The following POLR2F variants were observed in gnomAD, a reference collection of about 807,000 sequenced individuals.
POLR2F encodes DNA-directed RNA polymerases I, II, and III subunit RPABC2.
Under a neutral mutation model 22.7 loss-of-function variants are expected in POLR2F, and 12 were observed. The observed-to-expected ratio is 0.53, with a 90% CI of 0.34 to 0.86. POLR2F has a LOEUF of 0.86. POLR2F is among the 40% of genes least tolerant of loss of function. POLR2F has a pLI of 0.02. For missense variants in POLR2F, 126 were observed against 171.5 expected (o/e 0.73, Z 1.48); for synonymous variants, 57 against 66.0 (o/e 0.86, Z 0.66).
downstream of POLR2F, among the ~76,000 whole-genome samples, chr22:38,029,714 G>A (rs2085047591): frequency 6.6e-6 from 1 of 152,176 alleles, no homozygotes; most frequent in African/African-American, 2.4e-5. Flanking sequence ...CCCATCATCT[G>A]GGAGACTGCA....
At chr22:38,023,967 G>T (rs1431547015) in intron 1 of POLR2F, among the ~76,000 whole-genome samples, 2 of 150,558 alleles carry the variant, frequency 1.3e-5, no homozygotes, top group Non-Finnish European at 2.9e-5. Flanking sequence ...TCAGCCTCCC[G>T]AGTAGCTGGA....
At chr22:37,976,399 T>C (rs1490815042) in intron 4 of POLR2F, among the ~76,000 whole-genome samples, 1 of 152,234 alleles carries the variant, frequency 6.6e-6, no homozygotes, top group South Asian at 2.1e-4. Context: ...TTTTCATCCC[T>C]GCTCCTCTCT....
At chr22:37,979,551 G>A (rs1197765053) in intron 4 of POLR2F, among the ~76,000 whole-genome samples, 2 of 151,976 alleles carry the variant, frequency 1.3e-5, no homozygotes, top group East Asian at 3.9e-4. Context: ...CTGGGTGGGG[G>A]GTACTGCCTC....
At chr22:37,984,471 C>G (rs1360852813), upstream of POLR2F, 3 of 153,022 alleles carry the variant, frequency 2.0e-5, no homozygotes, top group African/African-American at 7.2e-5. The surrounding 1 kb of genome is among the most constrained non-coding windows in gnomAD (Gnocchi z 4.4). Flanking sequence ...GGCCCTGAGC[C>G]TCAGGCCACG....
chr22:38,004,574 G>A (rs1443616834), intron 1 of POLR2F, among the ~76,000 whole-genome samples: 1 of 152,152 alleles, frequency 6.6e-6, no homozygotes, highest in East Asian at 1.9e-4. Flanking sequence ...ATCCATACAT[G>A]CCCTGAAGTT....
intron 1 of POLR2F, among the ~76,000 whole-genome samples, chr22:37,954,538 T>C (rs1235934426): frequency 6.6e-6 from 1 of 152,120 alleles, no homozygotes; most frequent in Non-Finnish European, 1.5e-5. Context: ...CCTGAGCTTG[T>C]GATCCACCCG....
rs1424786274 is a variant in POLR2F at position 37,967,080 on chromosome 22, C to T, written c.222-19C>T. ...CCCTGGGTTTGTAGTCTCCCTAACA[C>T]CTGTCCCTATCCCTACAGGATGTGT... On this transcript the variant is annotated intron_variant, in intron 3 of 4. Transcript: ENST00000442738. 5.6e-6 allele frequency: 9 copies of T among 1,599,302 alleles called. No homozygotes were observed. In the South Asian group the frequency reaches 1.0e-4, roughly 18 times the overall value.
rs1159353447 is a variant in POLR2F at position 38,010,602 on chromosome 22, G to GTTT, written c.121-15242_121-15240dup. On this transcript the variant is annotated intron_variant, in intron 1 of 2. Transcript: ENST00000333418. Reference sequence around the variant, plus strand: ...TAAATATGTAGTAATAATTCCTTGTGTTTTTTTTTTTTTTTTTTTTTTTTT... The same window carrying GTTT: ...TAAATATGTAGTAATAATTCCTTGTGTTTTTTTTTTTTTTTTTTTTTTTTTTTT... Among the ~76,000 whole-genome samples, 41 of 60,888 alleles carry GTTT rather than the reference G, an allele frequency of 6.7e-4. 4 individuals carry two copies. Among genetic ancestry groups the GTTT allele is most frequent in the African/African-American group, 2.7e-3 (38 of 13,876 alleles). The allele number at this position is 60,888 out of a possible 152,430, so 39.9% of individuals were successfully genotyped here. A position where few individuals can be genotyped will look rare whatever the true frequency, so the allele number is the denominator to read the frequency against.
upstream of POLR2F, among the ~76,000 whole-genome samples, chr22:37,984,867 T>TGGCAGGATGGGCCTAACCTC (rs1452849581): frequency 1.3e-5 from 2 of 152,212 alleles, no homozygotes; most frequent in East Asian, 3.9e-4. This position sits in a 1 kb window ranked among gnomAD's most constrained non-coding sequence, Gnocchi z 4.4. Flanking sequence ...ACTCCTAACG[T>TGGCAGGATGGGCCTAACCTC]CTGCCTCAGG....
chr22:38,019,472 C>T (rs2084942088), intron 1 of POLR2F, among the ~76,000 whole-genome samples: 1 of 152,198 alleles, frequency 6.6e-6, no homozygotes, highest in South Asian at 2.1e-4. Context: ...GAGTGAACCC[C>T]TCAGGTGACA....
upstream of POLR2F, chr22:37,983,788 GC>G: frequency 1.7e-5 from 25 of 1,432,730 alleles, no homozygotes; most frequent in Admixed American, 5.0e-5. This position sits in a 1 kb window ranked among gnomAD's most constrained non-coding sequence, Gnocchi z 9.5. Context: ...CCGCCATGTC[GC>G]CCCCGGCCGC....
intron 1 of POLR2F, among the ~76,000 whole-genome samples, chr22:38,000,116 C>T (rs990805115): frequency 4.6e-5 from 7 of 152,306 alleles, no homozygotes; most frequent in African/African-American, 1.2e-4. Flanking sequence ...CTGGTCCTGC[C>T]GGAACATGAT....
chr22:38,040,893 G>A (rs2085165671), intron 5 of POLR2F: 1 of 941,792 alleles, frequency 1.1e-6, no homozygotes, highest in Non-Finnish European at 1.6e-6. Flanking sequence ...TGTGCCAAGG[G>A]GAACATGGGG....
At chr22:38,026,308 T>G (rs769927510) in exon 3 of POLR2F, 1 of 532,342 alleles carries the variant, frequency 1.9e-6, no homozygotes, top group South Asian at 1.4e-5. Context: ...CATGGACAAG[T>G]GAGAACAGAT....
At chr22:38,025,539 T>A in intron 1 of POLR2F, 1 of 1,444,424 alleles carries the variant, frequency 6.9e-7, no homozygotes, top group Non-Finnish European at 9.1e-7. Flanking sequence ...TCCCCCTCGT[T>A]TGCCTGTCCA....
At chr22:38,014,482 C>T (rs2084899125) in intron 1 of POLR2F, among the ~76,000 whole-genome samples, 1 of 150,850 alleles carries the variant, frequency 6.6e-6, no homozygotes, top group South Asian at 2.1e-4. Context: ...TCCTGAGTAG[C>T]TGGGATTACA....
chr22:37,961,138 C>T (rs760452292), intron 3 of POLR2F, among the ~76,000 whole-genome samples: 10 of 152,136 alleles, frequency 6.6e-5, no homozygotes, highest in Non-Finnish European at 1.2e-4. Flanking sequence ...CATGAGCCAC[C>T]GCGCCTGGCC....
chr22:37,982,170 G>A (rs1932419998), upstream of POLR2F, among the ~76,000 whole-genome samples: 1 of 152,146 alleles, frequency 6.6e-6, no homozygotes, highest in South Asian at 2.1e-4. Flanking sequence ...TCAAAGTGTA[G>A]GTGATCCACC....
intron 5 of POLR2F, among the ~76,000 whole-genome samples, chr22:38,037,965 G>A (rs2085132684): frequency 6.6e-6 from 1 of 152,194 alleles, no homozygotes. Context: ...CAGGTTGGCC[G>A]GAGGTAGCAA....
Sources: gnomAD v4.1 joint callset for allele counts (sites outside exome capture counted in the v4.1 genomes callset) on GRCh38, gnomAD v4.1.1 for gene constraint, Gnocchi (gnomAD v3.1) non-coding constraint, MANE v1.5 for transcripts, NCBI Gene and HGNC (gene_info 2026-07-23, HGNC 2026-07-21) for gene names.